Variants in DNAJC1 observed in about 807,000 individuals in gnomAD.
DNAJC1 encodes the protein DnaJ heat shock protein family (Hsp40) member C1.
In DNAJC1, 58 loss-of-function variants were observed where a neutral mutation model predicts 76.6. That is an observed-to-expected ratio of 0.76 (90% CI 0.61 to 0.94). The LOEUF is 0.94. Among genes scored for constraint, DNAJC1 ranks in the 40% least tolerant of loss-of-function variants. The probability of loss-of-function intolerance (pLI) is 0.00; values close to 1 mark genes in which losing one functional copy is unlikely to be tolerated. For missense variants in DNAJC1, 689 were observed against 677.3 expected, an observed-to-expected ratio of 1.02 and a Z score of -0.19; for synonymous variants, 258 against 267.9, an observed-to-expected ratio of 0.96 and a Z score of 0.36.
intron 1 of DNAJC1, among the ~76,000 whole-genome samples, chr10:21,967,624 T>C (rs1459975548): frequency 1.3e-5 from 2 of 152,210 alleles, no homozygotes; most frequent in African/African-American, 4.8e-5. Flanking sequence ...TAAGACCCTG[T>C]AACAAAGAGA....
At chr10:21,791,653 A>G (rs867930859) in intron 9 of DNAJC1, among the ~76,000 whole-genome samples, 2 of 152,212 alleles carry the variant, frequency 1.3e-5, no homozygotes, top group Non-Finnish European at 2.9e-5. Flanking sequence ...TTGGTCAATA[A>G]AAAAATTTAA....
intron 9 of DNAJC1, among the ~76,000 whole-genome samples, chr10:21,767,933 T>C (rs1834320549): frequency 1.3e-5 from 2 of 152,064 alleles, no homozygotes; most frequent in Admixed American, 1.3e-4. Flanking sequence ...AGGTAGAGGT[T>C]GCAGTGAGCT....
intron 8 of DNAJC1, among the ~76,000 whole-genome samples, chr10:21,817,315 T>C (rs1471186614): frequency 6.6e-6 from 1 of 152,202 alleles, no homozygotes; most frequent in Non-Finnish European, 1.5e-5. Flanking sequence ...AATAAAGTTA[T>C]TTTAAATTAC....
chr10:21,938,153 A>G (rs1468641284), intron 1 of DNAJC1, among the ~76,000 whole-genome samples: 2 of 152,136 alleles, frequency 1.3e-5, no homozygotes, highest in African/African-American at 4.8e-5. Context: ...TTAATAGTTA[A>G]TCATAACTAT....
chr10:21,928,413 CATA>C (rs1452384221), intron 3 of DNAJC1, 90 bp downstream of exon 3: 7 of 1,126,266 alleles, frequency 6.2e-6, no homozygotes, highest in Admixed American at 2.2e-5. Flanking sequence ...AAAATGCTAA[CATA>C]ATAATAAAAT....
chr10:21,855,614 G>T (rs961697790), intron 8 of DNAJC1, among the ~76,000 whole-genome samples: 3 of 152,134 alleles, frequency 2.0e-5, no homozygotes, highest in African/African-American at 7.2e-5. Flanking sequence ...TAGGGTAACA[G>T]ATTGAGACTT....
intron 9 of DNAJC1, among the ~76,000 whole-genome samples, chr10:21,771,979 T>G (rs1207990153): frequency 6.6e-6 from 1 of 152,226 alleles, no homozygotes. Context: ...TCACCCAGGC[T>G]GAAGTACAGT....
At chr10:21,840,097 C>T (rs1314942860) in intron 8 of DNAJC1, among the ~76,000 whole-genome samples, 7 of 152,248 alleles carry the variant, frequency 4.6e-5, no homozygotes, top group African/African-American at 1.2e-4. Context: ...TGATGGGACG[C>T]ATCTCAAAAT....
rs190798670 is a variant in DNAJC1 at position 21,872,677 on chromosome 10, T to C, written c.978+9605A>G. On this transcript the variant is annotated intron_variant, in intron 8 of 11. Coordinates refer to ENST00000376980, the MANE Select transcript of DNAJC1 (RefSeq NM_022365.4). ...AAAAATGAATAAATCTTCAGAAACA[T>C]CATTAAGCATATCAATATATGAACA... 2.0e-4 allele frequency among the ~76,000 whole-genome samples: 30 copies of C among 152,220 alleles called. No individual in the cohort carries two copies. The East Asian group carries it at 4.8e-3, about 24-fold the overall frequency.
chr10:21,784,859 T>G (rs768230683), intron 9 of DNAJC1, among the ~76,000 whole-genome samples: 3 of 151,508 alleles, frequency 2.0e-5, no homozygotes, highest in Non-Finnish European at 4.4e-5. Context: ...ATGAGAACAC[T>G]TGGACACAGG....
At position 21,892,084 on chromosome 10, in the gene DNAJC1, G is replaced by T. The variant is rs559167760; in HGVS notation, c.821-9645C>A. Among the ~76,000 whole-genome samples, 434 of 152,080 alleles carry T rather than the reference G, an allele frequency of 2.9e-3. 4 individuals are homozygous for T. Among genetic ancestry groups the T allele is most frequent in the African/African-American group, 0.01 (419 of 41,480 alleles). ...ATGTCACTTGAAATAGCAAAAATCTGACACCAGTAGACTGTGATGTTATGT... is the reference window on the plus strand; with the variant it reads ...ATGTCACTTGAAATAGCAAAAATCTTACACCAGTAGACTGTGATGTTATGT... On this transcript the variant is annotated intron_variant, in intron 7 of 11. Coordinates refer to ENST00000376980, the MANE Select transcript of DNAJC1 (RefSeq NM_022365.4).
intron 9 of DNAJC1, among the ~76,000 whole-genome samples, chr10:21,792,142 G>A (rs190696653): frequency 7.9e-5 from 12 of 152,184 alleles, no homozygotes; most frequent in Non-Finnish European, 1.5e-5. Flanking sequence ...TAAATCCCTA[G>A]AAATTACTAA....
intron 7 of DNAJC1, among the ~76,000 whole-genome samples, chr10:21,902,041 T>C (rs1345353790): frequency 6.6e-6 from 1 of 152,218 alleles, no homozygotes; most frequent in Non-Finnish European, 1.5e-5. Context: ...TAACAGTAAA[T>C]GTGACTGTTC....
At chr10:21,844,632 TTTG>T (rs1032061497) in intron 8 of DNAJC1, among the ~76,000 whole-genome samples, 15 of 152,284 alleles carry the variant, frequency 9.9e-5, no homozygotes, top group Admixed American at 8.5e-4. Context: ...TTCAACTCAG[TTTG>T]TTTAGTTTAC....
intron 10 of DNAJC1, among the ~76,000 whole-genome samples, chr10:21,761,051 A>G (rs984177724): frequency 3.9e-5 from 6 of 152,128 alleles, no homozygotes; most frequent in African/African-American, 1.2e-4. Context: ...ATGGTGGCGC[A>G]TGCCTGTCAT....
chr10:21,968,482 A>C (rs1230396803), intron 1 of DNAJC1, among the ~76,000 whole-genome samples: 5 of 151,722 alleles, frequency 3.3e-5, no homozygotes, highest in Non-Finnish European at 7.4e-5. Context: ...CATACTTTAA[A>C]TTCTCTAAAT....
chr10:21,929,090 A>T lies in DNAJC1; in HGVS notation c.274T>A (p.Leu92Ile), dbSNP rs770929265. The change falls in exon 2 of 12, where the codon TTA (leucine) becomes ATA (isoleucine). Residue 92 changes from leucine (L) to isoleucine (I), a missense_variant. Physicochemically the swap from Leu to Ile is conservative, Grantham distance 5. Transcript: ENST00000376980. ...RKAYRKLSLT[L>I]HPDKNKDENA... Reference sequence around the variant, plus strand: ...TCATCTTTATTCTTGTCTGGATGTAAAGTTAGTGAAAGCTTACGATATGCT... The same window carrying T: ...TCATCTTTATTCTTGTCTGGATGTATAGTTAGTGAAAGCTTACGATATGCT... 2 of 1,612,404 alleles carry T rather than the reference A, an allele frequency of 1.2e-6. No individual in the cohort carries two copies. Among genetic ancestry groups the T allele is most frequent in the Non-Finnish European group, 1.7e-6 (2 of 1,179,596 alleles).
rs1447624878 is a variant in DNAJC1 at position 21,840,153 on chromosome 10, T to C, written c.979-34054A>G. Reference sequence around the variant, plus strand: ...AACTCACAGCCAATATCATACCGAATGGGCAAAAACTGGAAGCATTCCCTT... The same window carrying C: ...AACTCACAGCCAATATCATACCGAACGGGCAAAAACTGGAAGCATTCCCTT... On this transcript the variant is annotated intron_variant, in intron 8 of 11. Coordinates refer to ENST00000376980, the MANE Select transcript of DNAJC1 (RefSeq NM_022365.4). 2.0e-5 allele frequency among the ~76,000 whole-genome samples: 3 copies of C among 152,204 alleles called. No individual in the cohort carries two copies. The East Asian group carries it at 5.8e-4, about 29-fold the overall frequency.
rs116144822 is a variant in DNAJC1, at chr10:21,758,433, C to T, written c.1596+737G>A. Among the ~76,000 whole-genome samples the T allele has an allele frequency of 3.8e-3, 583 of 152,260 alleles. 5 individuals carry two copies. Among genetic ancestry groups the T allele is most frequent in the African/African-American group, 0.014 (573 of 41,560 alleles). ...TCACAGGAAAGAGGCCGCCCAAGCC[C>T]GGTGGGTGGGCTCTCCACAGGGCAC... is the stretch of plus-strand genomic sequence containing the variant. On this transcript the variant is annotated intron_variant, in intron 11 of 11. Coordinates refer to ENST00000376980, the MANE Select transcript of DNAJC1 (RefSeq NM_022365.4).
Sources: gnomAD v4.1 joint callset for allele counts (sites outside exome capture counted in the v4.1 genomes callset) on GRCh38, gnomAD v4.1.1 for gene constraint, MANE v1.5 for transcripts, NCBI Gene and HGNC (gene_info 2026-07-23, HGNC 2026-07-21) for gene names.